The following SCNN1B variants were observed in gnomAD, a reference collection of about 807,000 sequenced individuals.
The protein encoded by SCNN1B is epithelial sodium channel subunit beta.
SCNN1B carries 46 observed loss-of-function variants against 65.3 expected under a neutral mutation model. That is an observed-to-expected ratio of 0.70 (90% confidence interval 0.56 to 0.90). The LOEUF is 0.90. Among genes scored for constraint, SCNN1B ranks in the 40% least tolerant of loss-of-function variants. The pLI is 0.00. For missense variants in SCNN1B, 751 were observed against 830.5 expected (o/e 0.90, Z 1.18); for synonymous variants, 349 against 330.6 (o/e 1.06, Z -0.60).
chr16:23,325,434 T>G (rs920908228), intron 1 of SCNN1B, among the ~76,000 whole-genome samples: 2 of 151,876 alleles, frequency 1.3e-5, no homozygotes, highest in Non-Finnish European at 2.9e-5. Flanking sequence ...GCCCAGCTAA[T>G]TTTTGCATTT....
At chr16:23,347,322 C>T (rs1962210911) in intron 1 of SCNN1B, among the ~76,000 whole-genome samples, 1 of 151,992 alleles carries the variant, frequency 6.6e-6, no homozygotes, top group South Asian at 2.1e-4. Flanking sequence ...TAGGCTCAGT[C>T]CATAGCACTT....
intron 2 of SCNN1B, among the ~76,000 whole-genome samples, chr16:23,291,585 AT>A (rs1304326516): frequency 6.7e-6 from 1 of 148,180 alleles, no homozygotes; most frequent in African/African-American, 2.5e-5. Flanking sequence ...TTTTTATTAT[AT>A]TTTTTTGAGA....
chr16:23,278,743 C>T (rs887645825), intron 1 of SCNN1B, among the ~76,000 whole-genome samples: 37 of 151,954 alleles, frequency 2.4e-4, no homozygotes, highest in Non-Finnish European at 3.7e-4. Context: ...TCAGCCTGGG[C>T]AACATAGTGA....
intron 1 of SCNN1B, among the ~76,000 whole-genome samples, chr16:23,326,282 C>A (rs996491293): frequency 6.7e-6 from 1 of 150,234 alleles, no homozygotes; most frequent in South Asian, 2.1e-4. Context: ...ATGATGCAAG[C>A]AATATATGTT....
intron 1 of SCNN1B, among the ~76,000 whole-genome samples, chr16:23,325,981 G>A (rs1961688704): frequency 6.6e-6 from 1 of 151,982 alleles, no homozygotes; most frequent in Non-Finnish European, 1.5e-5. Flanking sequence ...AGACTGAGGT[G>A]GGAATATCTC....
chr16:23,376,371 T>C (rs561061441), intron 8 of SCNN1B, among the ~76,000 whole-genome samples: 23 of 146,966 alleles, frequency 1.6e-4, no homozygotes, highest in Non-Finnish European at 1.4e-4. Flanking sequence ...TGTGTGTGTG[T>C]GTGCACGTGC....
intron 1 of SCNN1B, among the ~76,000 whole-genome samples, chr16:23,343,631 GAAAGAAAGAAAGAAAGAAAAAAAGA>G (rs1567304435): frequency 9.6e-5 from 10 of 103,658 alleles, no homozygotes; most frequent in South Asian, 3.5e-4. Context: ...AAGAAAGAAA[GAAAGAAAGAAAGAAAGAAAAAAAGA>G]AAGGAAGGAA....
At position 23,348,951 on chromosome 16, in the gene SCNN1B, G is replaced by C. The variant is rs1372103026; in HGVS notation, c.311+41G>C. On this transcript the variant is annotated intron_variant, in intron 2 of 12. Coordinates refer to ENST00000343070, the MANE Select transcript of SCNN1B (RefSeq NM_000336.3). The surrounding 1 kb of genome is among the most constrained non-coding windows in gnomAD (Gnocchi z 4.5). The stretch of plus-strand genomic sequence containing the variant: ...GTGCACAGCTGGCCTCAGCAGACAG[G>C]CGGTTCTCTTTCTCTCTTTTCTTCC... The C allele has an allele frequency of 6.5e-7, 1 of 1,545,338 alleles. No homozygotes were observed. Among genetic ancestry groups the C allele is most frequent in the African/African-American group, 1.4e-5 (1 of 73,266 alleles).
chr16:23,357,479 A>G (rs1271318672), intron 4 of SCNN1B, among the ~76,000 whole-genome samples: 1 of 152,198 alleles, frequency 6.6e-6, no homozygotes, highest in Non-Finnish European at 1.5e-5. Context: ...GCTACTTGGG[A>G]GGCTGAGGAA....
intron 1 of SCNN1B, among the ~76,000 whole-genome samples, chr16:23,332,673 T>C (rs1202112035): frequency 6.6e-6 from 1 of 152,136 alleles, no homozygotes; most frequent in East Asian, 1.9e-4. Flanking sequence ...ATCCCACATA[T>C]AGGCATTGCC....
chr16:23,369,251 G>T (rs1962734284), intron 5 of SCNN1B, among the ~76,000 whole-genome samples: 1 of 152,040 alleles, frequency 6.6e-6, no homozygotes, highest in Admixed American at 6.6e-5. Flanking sequence ...AGGATTGCAG[G>T]TGGCTAATTT....
At chr16:23,309,224 C>A (rs1032236730) in intron 1 of SCNN1B, among the ~76,000 whole-genome samples, 2 of 152,076 alleles carry the variant, frequency 1.3e-5, no homozygotes, top group African/African-American at 2.4e-5. Context: ...CCTATACTTA[C>A]AGCTTCCAGT....
At chr16:23,354,784 A>T (rs1373291253) in intron 3 of SCNN1B, among the ~76,000 whole-genome samples, 1 of 152,180 alleles carries the variant, frequency 6.6e-6, no homozygotes, top group Non-Finnish European at 1.5e-5. Context: ...GTTCGGGGCT[A>T]GGATGGATGT....
rs1191618996 is a variant in SCNN1B at position 23,293,114 on chromosome 16, C to CAAAAA, written n.178+9334_178+9338dup. Among the ~76,000 whole-genome samples, 94 of 34,176 alleles carry CAAAAA rather than the reference C, an allele frequency of 2.8e-3. 13 individuals carry two copies. The highest frequency in any genetic ancestry group is 0.01 in the South Asian group (4 of 392). The allele number at this position is 34,176 out of a possible 152,430, so 22.4% of individuals were successfully genotyped here. On this transcript the variant is annotated intron_variant and non_coding_transcript_variant, in intron 2 of 3. Transcript: ENST00000569789. ...TGGGCAATACAGGGAGACTCATTCT[C>CAAAAA]AAAAAAAAAAAAAAAAAAAAAAAAA...
Position 23,377,245 on chromosome 16 carries a change from G to A in SCNN1B, c.1346+5G>A, listed in dbSNP as rs920034902. The A allele has an allele frequency of 6.2e-7, 1 of 1,614,226 alleles. No homozygotes were observed. The highest frequency in any genetic ancestry group is 1.7e-5 in the Admixed American group (1 of 60,034). ...CATGTGCAAGGAGTCCTGCAAGTGA[G>A]TGCGGGTGGGCGGGCACAGCAGCGG... On this transcript the variant is annotated splice_donor_5th_base_variant and intron_variant, in intron 9 of 12. Coordinates refer to ENST00000343070, the MANE Select transcript of SCNN1B (RefSeq NM_000336.3).
At chr16:23,294,241 C>A (rs991399715) in intron 2 of SCNN1B, among the ~76,000 whole-genome samples, 1 of 151,674 alleles carries the variant, frequency 6.6e-6, no homozygotes, top group Non-Finnish European at 1.5e-5. Flanking sequence ...ACTAAAAATA[C>A]AAAAATTAGC....
chr16:23,361,319 C>A (rs1962549515), intron 4 of SCNN1B, among the ~76,000 whole-genome samples: 1 of 152,222 alleles, frequency 6.6e-6, no homozygotes, highest in Admixed American at 6.5e-5. Context: ...CCTCCTCAGC[C>A]TCCAAAAGTA....
chr16:23,317,486 G>A (rs888645163), intron 1 of SCNN1B, among the ~76,000 whole-genome samples: 2 of 152,164 alleles, frequency 1.3e-5, no homozygotes, highest in African/African-American at 2.4e-5. Context: ...AGGAGCCAGG[G>A]TATGGAGGGA....
intron 1 of SCNN1B, among the ~76,000 whole-genome samples, chr16:23,340,753 C>A (rs1962038473): frequency 1.4e-4 from 22 of 152,186 alleles, no homozygotes; most frequent in Admixed American, 1.4e-3. Context: ...ATCAGAGCTC[C>A]TTAATCCAAT....
Sources: gnomAD v4.1 joint callset for allele counts (sites outside exome capture counted in the v4.1 genomes callset) on GRCh38, gnomAD v4.1.1 for gene constraint, Gnocchi (gnomAD v3.1) non-coding constraint, MANE v1.5 for transcripts, NCBI Gene and HGNC (gene_info 2026-07-23, HGNC 2026-07-21) for gene names.